Variants in GALNS observed in about 807,000 individuals in gnomAD.
The protein encoded by GALNS is galactosamine (N-acetyl)-6-sulfatase.
GALNS carries 65 observed loss-of-function variants against 65.9 expected under a neutral mutation model. The observed-to-expected ratio is 0.99, with a 90% CI of 0.81 to 1.21. GALNS has a LOEUF of 1.21. Among genes scored for constraint, GALNS ranks in the 50% most tolerant of loss-of-function variants. The pLI, the probability that GALNS is intolerant of heterozygous loss-of-function variation, is 0.00. For synonymous variants in GALNS, 346 were observed against 288.9 expected (o/e 1.20, Z -2.00); for missense variants, 776 against 700.7 (o/e 1.11, Z -1.21).
At chr16:88,856,447 C>G (rs1967889524) in intron 1 of GALNS, 1 of 700,506 alleles carries the variant, frequency 1.4e-6, no homozygotes, top group African/African-American at 1.7e-5. Flanking sequence ...CGCCGGCCAC[C>G]CACCTGCCAG....
At chr16:88,832,128 C>A in intron 8 of GALNS, 27 bp from the exon 9 acceptor site, 3 of 1,594,118 alleles carry the variant, frequency 1.9e-6, no homozygotes, top group Non-Finnish European at 2.6e-6. Context: ...CTTGTCAGGC[C>A]ACTGGGACCA....
chr16:88,855,098 G>C (rs946730196), intron 1 of GALNS: 5 of 460,222 alleles, frequency 1.1e-5, no homozygotes, highest in South Asian at 6.8e-5. Context: ...TTTACCGGGA[G>C]CCACATTAGA....
intron 12 of GALNS, among the ~76,000 whole-genome samples, chr16:88,821,326 T>C (rs1280900581): frequency 1.3e-5 from 2 of 152,108 alleles, no homozygotes; most frequent in Non-Finnish European, 2.9e-5. Flanking sequence ...GCCTTCACCA[T>C]GTCTGTGTCT....
At position 88,835,265 on chromosome 16, in the gene GALNS, G is replaced by A. The variant is rs35232749; in HGVS notation, c.846C>T (p.Phe282=). ...LQDLHVADNT[F]VFFTSDNGAA... ...CGCCGTTGTCCGACGTGAAGAAGAC[G>A]AAGGTGTTGTCCGCGACGTGCAGGT... The change falls in exon 8 of 14, where the codon TTC becomes TTT. Residue 282 remains phenylalanine, a synonymous_variant. Transcript: ENST00000268695. 0.038 allele frequency: 61,764 copies of A among 1,610,646 alleles called. 1,421 individuals carry two copies. The highest frequency in any genetic ancestry group is 0.078 in the South Asian group (7,045 of 90,258).
intron 1 of GALNS, chr16:88,856,354 T>C: frequency 7.1e-6 from 5 of 702,004 alleles, no homozygotes; most frequent in Admixed American, 6.0e-5. Context: ...CTTCCTCCCT[T>C]TGGGGAGGCC....
chr16:88,842,565 T>C, intron 2 of GALNS, 141 bp downstream of exon 2: 2 of 1,064,420 alleles, frequency 1.9e-6, no homozygotes, highest in South Asian at 3.1e-5. Context: ...GAGAAAGGCC[T>C]GAGCCCACCT....
intron 13 of GALNS, among the ~76,000 whole-genome samples, chr16:88,817,749 C>T (rs549017123): frequency 1.3e-5 from 2 of 152,352 alleles, no homozygotes; most frequent in East Asian, 1.9e-4. Flanking sequence ...TCAGCTCAGC[C>T]AGGCAGAGGC....
At chr16:88,824,268 G>A (rs564336701) in intron 11 of GALNS, among the ~76,000 whole-genome samples, 1 of 152,094 alleles carries the variant, frequency 6.6e-6, no homozygotes, top group Non-Finnish European at 1.5e-5. Context: ...GAGGGCTCGT[G>A]GGAGAAAGCC....
chr16:88,836,686 A>C (rs1912177368), intron 5 of GALNS, among the ~76,000 whole-genome samples: 1 of 151,684 alleles, frequency 6.6e-6, no homozygotes, highest in Non-Finnish European at 1.5e-5. Context: ...CCTGGAAATG[A>C]AATGTCCACT....
rs117053987 is a variant in GALNS at position 88,835,760 on chromosome 16, G to C, written c.723C>G (p.Ala241=). The C allele has an allele frequency of 6.2e-7, 1 of 1,614,158 alleles. No homozygotes were observed. The highest frequency in any genetic ancestry group is 8.5e-7 in the Non-Finnish European group (1 of 1,180,042). The part of the protein sequence containing the change: ...AVDATHAPVY[A]SKPFLGTSQR... ...GACTGGTGCCCAAGAAGGGTTTGGA[G>C]GCATAGACGGGTGCGTGCGTGGCGT... Residue 241 remains alanine, a synonymous_variant, in exon 7 of 14, where the codon GCC becomes GCG. Transcript: ENST00000268695.
intron 7 of GALNS, 58 bp downstream of exon 7, chr16:88,835,667 G>A: frequency 6.2e-7 from 1 of 1,610,286 alleles, no homozygotes; most frequent in East Asian, 2.2e-5. Flanking sequence ...CCCATCTCTG[G>A]AGTCAAGCAC....
At chr16:88,838,794 G>C (rs1156683213) in intron 4 of GALNS, 2 of 152,322 alleles carry the variant, frequency 1.3e-5, no homozygotes, top group African/African-American at 4.8e-5. Flanking sequence ...GTCGTCTGAG[G>C]AAAGTTCTTC....
Position 88,856,839 on chromosome 16 carries a change from C to G in GALNS, c.39G>C (p.Leu13=). ...AVVAATRWWQ[L]LLVLSAAGMG... is the part of the protein sequence containing the mutation. ...TCCCCGCGGCGCTGAGCACCAGCAACAGCTGCCACCACCTCGTCGCCGCGA... is the reference window on the plus strand; with the variant it reads ...TCCCCGCGGCGCTGAGCACCAGCAAGAGCTGCCACCACCTCGTCGCCGCGA... The change falls in exon 1 of 14, where the codon CTG becomes CTC. Residue 13 remains leucine (L), a synonymous_variant. Coordinates refer to ENST00000268695, the MANE Select transcript of GALNS (RefSeq NM_000512.5). 1 of 1,518,884 alleles carries G rather than the reference C, an allele frequency of 6.6e-7. No individual in the cohort carries two copies. Among genetic ancestry groups the G allele is most frequent in the Non-Finnish European group, 8.8e-7 (1 of 1,142,622 alleles). The allele number at this position is 1,518,884 out of a possible 1,614,324, so 94.1% of individuals were successfully genotyped here.
chr16:88,856,332 C>T (rs1967875626), intron 1 of GALNS: 1 of 702,628 alleles, frequency 1.4e-6, no homozygotes, highest in Non-Finnish European at 2.6e-6. Context: ...GGCAGGGCGG[C>T]AGGAGCAGCC....
intron 4 of GALNS, 198 bp from the exon 5 acceptor site, chr16:88,837,963 C>T (rs1380108388): frequency 3.4e-6 from 2 of 596,826 alleles, no homozygotes; most frequent in African/African-American, 1.9e-5. Flanking sequence ...GCCCGCCTAC[C>T]CTGCAGAGCG....
intron 1 of GALNS, among the ~76,000 whole-genome samples, chr16:88,853,948 C>T (rs1234683170): frequency 1.3e-5 from 2 of 152,178 alleles, no homozygotes; most frequent in Non-Finnish European, 2.9e-5. Context: ...GTCAGTGTGA[C>T]CAGTTGGAGA....
Position 88,848,570 on chromosome 16 carries a change from T to A in GALNS, c.121-5741A>T, listed in dbSNP as rs1368674096. The stretch of plus-strand genomic sequence containing the variant: ...GCCTGGGTGACAGTGAGACTCCGTC[T>A]GAAAAAAAAAAAAAAAGGAAGTGCG... On this transcript the variant is annotated intron_variant, in intron 1 of 13. Coordinates refer to ENST00000268695, the MANE Select transcript of GALNS (RefSeq NM_000512.5). Among the ~76,000 whole-genome samples, 253 of 94,244 alleles carry A rather than the reference T, an allele frequency of 2.7e-3. 2 individuals are homozygous for A. Among genetic ancestry groups the A allele is most frequent in the African/African-American group, 0.017 (238 of 14,182 alleles). The allele number at this position is 94,244 out of a possible 152,430, so 61.8% of individuals were successfully genotyped here.
rs79939637 is a variant in GALNS, at chr16:88,835,590, C to T, written c.758+135G>A. The T allele has an allele frequency of 5.9e-3, 8,223 of 1,400,894 alleles. 380 individuals carry two copies. In the African/African-American group the frequency reaches 0.1, roughly 17 times the overall value. The allele number at this position is 1,400,894 out of a possible 1,614,324, so 86.8% of individuals were successfully genotyped here. On this transcript the variant is annotated intron_variant, in intron 7 of 13. Transcript: ENST00000268695. Reference sequence around the variant, plus strand: ...CCTCTGCTGATCCCAGGCCAGTGGACGGCTTCAAAGGGGTGGGGTTGCTCT... The same window carrying T: ...CCTCTGCTGATCCCAGGCCAGTGGATGGCTTCAAAGGGGTGGGGTTGCTCT...
Position 88,818,084 on chromosome 16 carries a change from T to A in GALNS, c.1405A>T (p.Thr469Ser). The change falls in exon 13 of 14, where the codon ACC becomes TCC. Residue 469 changes from threonine to serine, a missense_variant. Coordinates refer to ENST00000268695, the MANE Select transcript of GALNS (RefSeq NM_000512.5). ...TCCTGGTGCTGCTGGACGACCGAGG[T>A]GATCCTGCTGAGGGCCTCCTGGTAC... is the stretch of plus-strand genomic sequence containing the variant. ...AEYQEALSRITSVVQQHQEAL... is the reference protein window; with the variant it reads ...AEYQEALSRISSVVQQHQEAL... 1 of 1,572,972 alleles carries A rather than the reference T, an allele frequency of 6.4e-7. No homozygotes were observed. Among genetic ancestry groups the A allele is most frequent in the South Asian group, 1.2e-5 (1 of 86,310 alleles).
Sources: gnomAD v4.1 joint callset for allele counts (sites outside exome capture counted in the v4.1 genomes callset) on GRCh38, gnomAD v4.1.1 for gene constraint, MANE v1.5 for transcripts, NCBI Gene and HGNC (gene_info 2026-07-23, HGNC 2026-07-21) for gene names.